SLC9B1: variants seen among roughly 807,000 people sequenced by gnomAD.
The protein encoded by SLC9B1 is solute carrier family 9 member B1.
A neutral mutation model predicts 51.7 loss-of-function variants in SLC9B1; 32 were observed. The ratio of observed to expected loss-of-function variants is 0.62; its 90% CI spans 0.47 to 0.83. The LOEUF (loss-of-function observed/expected upper bound fraction) is 0.83. Ranked by LOEUF, SLC9B1 falls within the 40% of genes least tolerant of loss-of-function variation. The probability of loss-of-function intolerance (pLI) is 0.00; values close to 1 mark genes in which losing one functional copy is unlikely to be tolerated. For missense variants in SLC9B1, 406 were observed against 613.2 expected (o/e 0.66, Z 3.57); for synonymous variants, 145 against 212.7 (o/e 0.68, Z 2.77).
At chr4:102,885,681 T>C (rs773752050) in intron 11 of SLC9B1, among the ~76,000 whole-genome samples, 21 of 152,236 alleles carry the variant, frequency 1.4e-4, no homozygotes, top group Non-Finnish European at 2.9e-4. Flanking sequence ...GTAACATGTA[T>C]TTTAAAATAC....
At chr4:102,899,814 T>C (rs1005999924), downstream of SLC9B1, among the ~76,000 whole-genome samples, 1 of 152,216 alleles carries the variant, frequency 6.6e-6, no homozygotes, top group African/African-American at 2.4e-5. Context: ...AGTACTAGAA[T>C]TACAATATTT....
intron 1 of SLC9B1, among the ~76,000 whole-genome samples, chr4:103,012,410 T>G (rs4698876): frequency 0.39 from 58,697 of 152,028 alleles, 11,593 homozygotes; most frequent in African/African-American, 0.48. Flanking sequence ...ATGATTAACT[T>G]AGATAATCTC....
chr4:102,904,919 G>A (rs898255795), intron 11 of SLC9B1, among the ~76,000 whole-genome samples: 5 of 151,974 alleles, frequency 3.3e-5, no homozygotes, highest in African/African-American at 1.2e-4. Context: ...GGGAGGTGGA[G>A]GTTGCAGTGA....
Position 102,932,176 on chromosome 4 carries a change from G to A in SLC9B1, c.777C>T (p.Asp259=), listed in dbSNP as rs1374423560. ...TATTGAATCCAGTGATAGCCAGAAT[G>A]TCATCCATACTGCTAGCAGCCATTA... ...TLLMAASSMD[D]ILAITGFNTC... is the part of the protein sequence containing the mutation. Residue 259 remains aspartate, a synonymous_variant, in exon 7 of 12, where the codon GAC becomes GAT. Coordinates refer to ENST00000296422, the MANE Select transcript of SLC9B1 (RefSeq NM_139173.4). 3 of 1,611,936 alleles carry A rather than the reference G, an allele frequency of 1.9e-6. No homozygotes were observed. Among genetic ancestry groups the A allele is most frequent in the Non-Finnish European group, 1.7e-6 (2 of 1,179,782 alleles).
At chr4:102,919,546 T>C (rs959953837) in intron 7 of SLC9B1, among the ~76,000 whole-genome samples, 47 of 152,082 alleles carry the variant, frequency 3.1e-4, no homozygotes, top group African/African-American at 1.1e-3. Flanking sequence ...TTCATCTCAT[T>C]GGGACTGGTT....
chr4:102,925,940 A>C (rs1028995093), intron 7 of SLC9B1, among the ~76,000 whole-genome samples: 4 of 152,220 alleles, frequency 2.6e-5, no homozygotes, highest in African/African-American at 9.6e-5. Context: ...GGCTGGTTCA[A>C]CATATGTAAC....
chr4:102,923,331 A>G (rs1578349717), intron 7 of SLC9B1, among the ~76,000 whole-genome samples: 1 of 152,244 alleles, frequency 6.6e-6, no homozygotes, highest in African/African-American at 2.4e-5. Flanking sequence ...ATCTTAATAG[A>G]TGCAGAAAAG....
In SLC9B1 at chr4:103,013,466, T is replaced by G. The variant is rs1034028445; in HGVS notation, c.-2+6133A>C. 1.1e-4 allele frequency among the ~76,000 whole-genome samples: 16 copies of G among 152,342 alleles called. No individual in the cohort carries two copies. In the East Asian group the frequency reaches 2.9e-3, roughly 27 times the overall value. On this transcript the variant is annotated intron_variant, in intron 1 of 11. Coordinates refer to ENST00000296422, the MANE Select transcript of SLC9B1 (RefSeq NM_139173.4). ...TTTAAATATTGGGCTTCCTCAGAAT[T>G]CTTCTCTATGCCCTATTCTCTTCTC...
intron 7 of SLC9B1, among the ~76,000 whole-genome samples, chr4:102,925,911 C>T (rs1736144252): frequency 6.6e-6 from 1 of 152,126 alleles, no homozygotes; most frequent in Non-Finnish European, 1.5e-5. Context: ...ATCAAGTCGG[C>T]TTCATCTCTG....
chr4:102,901,137 A>G lies in SLC9B1; in HGVS notation c.1528T>C (p.Ser510Pro). 2 of 1,610,996 alleles carry G rather than the reference A, an allele frequency of 1.2e-6. No homozygotes were observed. The highest frequency in any genetic ancestry group is 2.7e-5 in the African/African-American group (2 of 75,008). The change falls in exon 12 of 12, where the codon TCA becomes CCA. Residue 510 changes from serine to proline, a missense_variant. Around this residue, in one of 6 missense-constraint regions of SLC9B1, gnomAD observed 18 missense variants for 35.9 expected, o/e 0.50. Coordinates refer to ENST00000296422, the MANE Select transcript of SLC9B1 (RefSeq NM_139173.4). ...ACTTTTTAATGATGTTCTAATGTTG[A>G]CAACTGCAGTTTTATTTTGCTTGGA... ...YDPSKIKLQL[S>P]TLEHH is the part of the protein sequence containing the mutation.
At chr4:102,925,389 C>A (rs1038958077) in intron 7 of SLC9B1, among the ~76,000 whole-genome samples, 1 of 152,094 alleles carries the variant, frequency 6.6e-6, no homozygotes, top group South Asian at 2.1e-4. Context: ...GAACATCACA[C>A]ACTGGGGCCT....
intron 10 of SLC9B1, 78 bp downstream of exon 10, chr4:102,906,458 G>A: frequency 2.6e-6 from 2 of 758,682 alleles, no homozygotes; most frequent in Non-Finnish European, 4.1e-6. Context: ...AAGATATATT[G>A]TAAATAAAAA....
intron 9 of SLC9B1, 86 bp from the exon 10 acceptor site, chr4:102,906,730 T>C (rs1735076433): frequency 2.4e-6 from 2 of 827,768 alleles, no homozygotes; most frequent in East Asian, 2.9e-5. Context: ...CTTTTTTTTT[T>C]CATTTTTTAA....
chr4:102,978,513 A>G (rs1169087520), intron 3 of SLC9B1, among the ~76,000 whole-genome samples: 2 of 152,228 alleles, frequency 1.3e-5, no homozygotes, highest in African/African-American at 2.4e-5. Flanking sequence ...AAGGATATGA[A>G]CAGACTTCTC....
At chr4:102,940,207 A>G (rs1334893377) in intron 6 of SLC9B1, among the ~76,000 whole-genome samples, 1 of 152,206 alleles carries the variant, frequency 6.6e-6, no homozygotes, top group Non-Finnish European at 1.5e-5. Context: ...CTATACACCA[A>G]CAACATCCAA....
At chr4:102,935,022 T>C (rs1013100518) in intron 6 of SLC9B1, among the ~76,000 whole-genome samples, 1 of 152,074 alleles carries the variant, frequency 6.6e-6, no homozygotes, top group African/African-American at 2.4e-5. Context: ...GGCAATTCTG[T>C]CTGTTGAAAA....
chr4:103,017,121 G>C (rs1691315456), intron 1 of SLC9B1: 1 of 152,106 alleles, frequency 6.6e-6, no homozygotes, highest in Admixed American at 6.5e-5. Flanking sequence ...CAAAAATTTA[G>C]GGGCTAGAGG....
intron 11 of SLC9B1, among the ~76,000 whole-genome samples, chr4:102,886,214 C>T (rs771014467): frequency 2.8e-4 from 42 of 152,254 alleles, no homozygotes; most frequent in Non-Finnish European, 5.0e-4. Flanking sequence ...GCAGGCCAGG[C>T]GCGGTGGCTC....
At position 102,932,333 on chromosome 4, in the gene SLC9B1, T is replaced by C. The variant is rs772234005; in HGVS notation, c.654-34A>G. 15 of 1,549,862 alleles carry C rather than the reference T, an allele frequency of 9.7e-6. No homozygotes were observed. The East Asian group carries it at 3.4e-4, about 36-fold the overall frequency. On this transcript the variant is annotated intron_variant, in intron 6 of 11. Coordinates refer to ENST00000296422, the MANE Select transcript of SLC9B1 (RefSeq NM_139173.4). ...AAGAATGAAAATTAATTTAAAAGCA[T>C]CTTTTAAATCAAGTAGTGTTTTATA...
Sources: allele counts gnomAD v4.1 joint callset (sites outside exome capture counted in the v4.1 genomes callset), GRCh38; gene constraint gnomAD v4.1.1; regional missense constraint gnomAD v4.1.1; transcripts MANE v1.5; gene names NCBI Gene and HGNC (gene_info 2026-07-23, HGNC 2026-07-21).